The following ARID3A variants were observed in gnomAD, a reference collection of about 807,000 sequenced individuals.
The protein encoded by ARID3A is AT-rich interactive domain-containing protein 3A.
Under a neutral mutation model 52.7 loss-of-function variants are expected in ARID3A, and 11 were observed. The ratio of observed to expected loss-of-function variants is 0.21; its 90% CI spans 0.13 to 0.35. ARID3A has a LOEUF of 0.35. Ranked by LOEUF, ARID3A falls within the 10% of genes least tolerant of loss-of-function variation. The pLI is 1.00. For synonymous variants in ARID3A, 404 were observed against 359.4 expected (o/e 1.12, Z -1.40); for missense variants, 721 against 838.5 (o/e 0.86, Z 1.73).
chr19:969,085 G>C lies in ARID3A; in HGVS notation c.1594+582G>C, dbSNP rs191924140. Among the ~76,000 whole-genome samples the C allele has an allele frequency of 4.6e-4, 69 of 151,266 alleles. 1 individual carries two copies. In the Middle Eastern group the frequency reaches 0.021, roughly 45 times the overall value. ...GCCACAGACCGAGACCCTGTCTCTT[G>C]AAAAAAAATTTAATGAATGTATTTT... On this transcript the variant is annotated intron_variant, in intron 8 of 8. Transcript: ENST00000263620.
At chr19:934,966 C>T (rs369046119) in intron 3 of ARID3A, among the ~76,000 whole-genome samples, 25 of 152,350 alleles carry the variant, frequency 1.6e-4, no homozygotes, top group African/African-American at 5.3e-4. Flanking sequence ...TGCCGCCGCC[C>T]GCCCAGCTGG....
chr19:962,447 A>G (rs565775786), intron 4 of ARID3A, among the ~76,000 whole-genome samples: 14 of 149,340 alleles, frequency 9.4e-5, no homozygotes, highest in Admixed American at 2.7e-4. Context: ...CCTTCTGTAA[A>G]CATCCTCCTC....
rs190095291 is a variant in ARID3A, at chr19:936,864, C to T, written c.693+4122C>T. Among the ~76,000 whole-genome samples, 420 of 150,858 alleles carry T rather than the reference C, an allele frequency of 2.8e-3. 1 individual carries two copies. Among genetic ancestry groups the T allele is most frequent in the Non-Finnish European group, 4.5e-3 (306 of 67,558 alleles). On this transcript the variant is annotated intron_variant, in intron 3 of 8. Coordinates refer to ENST00000263620, the MANE Select transcript of ARID3A (RefSeq NM_005224.3). ...TCTAAATAAATAAAATAAAATAAAC[C>T]CTGACCCTTTAACTATTATCCCCCT... is the stretch of plus-strand genomic sequence containing the variant.
chr19:953,977 G>A (rs533394761), intron 3 of ARID3A, among the ~76,000 whole-genome samples: 1 of 152,230 alleles, frequency 6.6e-6, no homozygotes, highest in Non-Finnish European at 1.5e-5. Context: ...GGAGACCGAG[G>A]TGGGAGGTGG....
At chr19:927,368 T>TG (rs561627310) in intron 1 of ARID3A, among the ~76,000 whole-genome samples, 9 of 149,188 alleles carry the variant, frequency 6.0e-5, no homozygotes, top group African/African-American at 9.9e-5. Flanking sequence ...ATGGCGGCGA[T>TG]GGGGGGGCAC....
chr19:958,762 G>A (rs897167174), intron 3 of ARID3A, among the ~76,000 whole-genome samples: 10 of 152,000 alleles, frequency 6.6e-5, no homozygotes, highest in Non-Finnish European at 1.2e-4. Flanking sequence ...GCGTGGTGGC[G>A]GGCGCCTGTA....
intron 8 of ARID3A, 30 bp from the exon 9 acceptor site, chr19:971,848 C>T (rs761760465): frequency 6.3e-7 from 1 of 1,581,528 alleles, no homozygotes; most frequent in South Asian, 1.1e-5. Flanking sequence ...TTAAACTCTG[C>T]ATGGCATATG....
chr19:929,912 G>C lies in ARID3A; in HGVS notation c.368+16G>C. 1 of 1,538,600 alleles carries C rather than the reference G, an allele frequency of 6.5e-7. No homozygotes were observed. The highest frequency in any genetic ancestry group is 1.4e-5 in the African/African-American group (1 of 73,122). Reference sequence around the variant, plus strand: ...ACGAGGACATGTGAGTTGGGGTCTGGGGCAGGGCCTTCTGGGGGCTGTTAC... The same window carrying C: ...ACGAGGACATGTGAGTTGGGGTCTGCGGCAGGGCCTTCTGGGGGCTGTTAC... On this transcript the variant is annotated intron_variant, in intron 2 of 8. Transcript: ENST00000263620. The surrounding 1 kb of genome is among the most constrained non-coding windows in gnomAD (Gnocchi z 6.2).
intron 3 of ARID3A, among the ~76,000 whole-genome samples, chr19:951,353 A>T (rs998333359): frequency 3.1e-4 from 47 of 151,606 alleles, no homozygotes; most frequent in Non-Finnish European, 5.6e-4. Flanking sequence ...TCAGGAGTTC[A>T]AGACCAGCCT....
chr19:967,507 C>T (rs1042643507), intron 7 of ARID3A, among the ~76,000 whole-genome samples: 1 of 152,096 alleles, frequency 6.6e-6, no homozygotes, highest in Non-Finnish European at 1.5e-5. Flanking sequence ...TGCAGTGAGC[C>T]ATGATTGCAC....
intron 3 of ARID3A, among the ~76,000 whole-genome samples, chr19:935,466 G>C (rs2037419873): frequency 6.6e-6 from 1 of 152,178 alleles, no homozygotes; most frequent in Non-Finnish European, 1.5e-5. Context: ...AGCGGCCACG[G>C]TAGGATTTTA....
intron 3 of ARID3A, among the ~76,000 whole-genome samples, chr19:952,466 A>T (rs2037821269): frequency 6.7e-6 from 1 of 149,136 alleles, no homozygotes; most frequent in South Asian, 2.1e-4. Flanking sequence ...AAAAAAAAAA[A>T]AGGAAAGAAA....
chr19:956,407 G>A (rs1446168861), intron 3 of ARID3A: 2 of 152,314 alleles, frequency 1.3e-5, no homozygotes, highest in African/African-American at 4.8e-5. Flanking sequence ...TACACTCCTA[G>A]ATCCGTGACT....
At chr19:956,144 AT>A (rs2037912051) in intron 3 of ARID3A, among the ~76,000 whole-genome samples, 1 of 152,088 alleles carries the variant, frequency 6.6e-6, no homozygotes, top group Non-Finnish European at 1.5e-5. Flanking sequence ...GCCGATGTGA[AT>A]TTGGGTGGGG....
chr19:933,848 G>GGA (rs1555726117), intron 3 of ARID3A, among the ~76,000 whole-genome samples: 3 of 141,844 alleles, frequency 2.1e-5, no homozygotes, highest in Non-Finnish European at 4.7e-5. Flanking sequence ...GGACTCGGTG[G>GGA]GGGGGGGGGG....
chr19:932,480 A>T lies in ARID3A; in HGVS notation c.431A>T (p.Glu144Val). 1 of 1,578,488 alleles carries T rather than the reference A, an allele frequency of 6.3e-7. No individual in the cohort carries two copies. The highest frequency in any genetic ancestry group is 8.6e-7 in the Non-Finnish European group (1 of 1,169,036). ...EDLGEDEEEE[E>V]EDYEDEEEEE... is the part of the protein sequence containing the mutation. ...CTCGGGGAGGATGAGGAGGAGGAGG[A>T]GGAGGATTACGAGGATGAGGAGGAG... The change falls in exon 3 of 9, where the codon GAG becomes GTG. Residue 144 changes from glutamate to valine, a missense_variant. This residue lies in a region of ARID3A where 349 missense variants were observed against 297.3 expected (regional missense o/e 1.17). Coordinates refer to ENST00000263620, the MANE Select transcript of ARID3A (RefSeq NM_005224.3).
chr19:949,420 T>A (rs1231992406), intron 3 of ARID3A, among the ~76,000 whole-genome samples: 2 of 151,920 alleles, frequency 1.3e-5, no homozygotes, highest in African/African-American at 4.8e-5. Context: ...GGGGGTGCTG[T>A]CAGTGGATGG....
chr19:963,805 G>T (rs997185650), intron 4 of ARID3A, among the ~76,000 whole-genome samples: 1 of 152,188 alleles, frequency 6.6e-6, no homozygotes, highest in Non-Finnish European at 1.5e-5. Context: ...CTTGAAATTG[G>T]GTAAGCCAGG....
chr19:948,826 C>T (rs2037741688), intron 3 of ARID3A, among the ~76,000 whole-genome samples: 1 of 151,360 alleles, frequency 6.6e-6, no homozygotes, highest in Admixed American at 6.6e-5. Context: ...TCTCCTGCCT[C>T]AGCCTCCCGA....
Sources: allele counts gnomAD v4.1 joint callset (sites outside exome capture counted in the v4.1 genomes callset), GRCh38; gene constraint gnomAD v4.1.1; regional missense constraint gnomAD v4.1.1; non-coding constraint Gnocchi (gnomAD v3.1); transcripts MANE v1.5; gene names NCBI Gene and HGNC (gene_info 2026-07-23, HGNC 2026-07-21).